FLNB: variants seen among roughly 807,000 people sequenced by gnomAD.
The protein encoded by FLNB is filamin B, also known as filamin-B.
In FLNB, 111 loss-of-function variants were observed where a neutral mutation model predicts 250.6. The observed-to-expected ratio is 0.44, with a 90% confidence interval of 0.38 to 0.52. The LOEUF is 0.52. Ranked by LOEUF, FLNB falls within the 20% of genes least tolerant of loss-of-function variation. The probability of loss-of-function intolerance (pLI) is 0.00; values close to 1 mark genes in which losing one functional copy is unlikely to be tolerated. For synonymous variants in FLNB, 1,302 were observed against 1,372.1 expected (o/e 0.95, Z 1.13); for missense variants, 2,869 against 3,447.8 (o/e 0.83, Z 4.20).
intron 1 of FLNB, among the ~76,000 whole-genome samples, chr3:58,026,287 C>T (rs2097123517): frequency 6.6e-6 from 1 of 152,126 alleles, no homozygotes. Flanking sequence ...GTGCCAGCTG[C>T]TCCCATCCCC....
chr3:58,060,447 G>T (rs147741156), intron 1 of FLNB, among the ~76,000 whole-genome samples: 2 of 150,466 alleles, frequency 1.3e-5, no homozygotes, highest in African/African-American at 4.9e-5. Flanking sequence ...TTCACCCCCA[G>T]GTTCAAGTGA....
At chr3:58,086,872 T>C (rs1167894648) in intron 4 of FLNB, among the ~76,000 whole-genome samples, 1 of 152,184 alleles carries the variant, frequency 6.6e-6, no homozygotes, top group Non-Finnish European at 1.5e-5. Context: ...CCCAGTACTT[T>C]GGGAGGCTGA....
chr3:58,118,819 C>A, intron 18 of FLNB, 53 bp from the exon 19 acceptor site: 1 of 1,357,906 alleles, frequency 7.4e-7, no homozygotes, highest in Non-Finnish European at 1.1e-6. Flanking sequence ...TTTTAAATGC[C>A]AAGTTAGCTT....
chr3:58,128,274 C>T (rs1032829405), intron 24 of FLNB, among the ~76,000 whole-genome samples: 4 of 152,206 alleles, frequency 2.6e-5, no homozygotes, highest in Admixed American at 2.0e-4. Context: ...CTCACTCTCT[C>T]TCACACTGAT....
In FLNB at chr3:58,132,739, C is replaced by T. The variant is rs767652005; in HGVS notation, c.4391-69C>T. 24 of 1,602,186 alleles carry T rather than the reference C, an allele frequency of 1.5e-5. No individual in the cohort carries two copies. The Admixed American group carries it at 2.8e-4, about 19-fold the overall frequency. On this transcript the variant is annotated intron_variant, in intron 25 of 45. Coordinates refer to ENST00000295956, the MANE Select transcript of FLNB (RefSeq NM_001457.4). ...CTTGGGGATGGATGTGGTCCTATTT[C>T]AGACTCAGCCAAGGGTGGAGTAAAG...
chr3:58,123,532 C>G lies in FLNB; in HGVS notation c.3566C>G (p.Thr1189Ser). Residue 1189 changes from threonine to serine, a missense_variant, in exon 21 of 46, where the codon ACC (threonine) becomes AGC (serine). Thr to Ser is a moderately conservative substitution (Grantham distance 58). Transcript: ENST00000295956. Reference sequence around the variant, plus strand: ...AGTATTCAGAACAACAAAGATGGCACCTACGCGGTGACCTACGTGCCCCTG... The same window carrying G: ...AGTATTCAGAACAACAAAGATGGCAGCTACGCGGTGACCTACGTGCCCCTG... ...EVSIQNNKDG[T>S]YAVTYVPLTA... 1 of 1,606,356 alleles carries G rather than the reference C, an allele frequency of 6.2e-7. No homozygotes were observed. The highest frequency in any genetic ancestry group is 8.5e-7 in the Non-Finnish European group (1 of 1,176,384).
At chr3:58,024,271 G>T (rs577775151) in intron 1 of FLNB, among the ~76,000 whole-genome samples, 2 of 152,312 alleles carry the variant, frequency 1.3e-5, no homozygotes, top group African/African-American at 4.8e-5. Context: ...AAGGTTGTTT[G>T]ACCTCTCTGA....
chr3:58,138,192 G>A, intron 28 of FLNB, 90 bp from the exon 29 acceptor site: 1 of 1,565,582 alleles, frequency 6.4e-7, no homozygotes, highest in Non-Finnish European at 8.8e-7. Flanking sequence ...ACATTTACAG[G>A]CACAGACAAC....
chr3:58,170,474 G>C, intron 45 of FLNB, 101 bp from the exon 46 acceptor site: 1 of 1,195,222 alleles, frequency 8.4e-7, no homozygotes, highest in Admixed American at 2.0e-5. Flanking sequence ...AGGGGCCCCA[G>C]CATTATCGTG....
intron 38 of FLNB, chr3:58,150,643 C>A: frequency 3.4e-6 from 1 of 292,170 alleles, no homozygotes; most frequent in Middle Eastern, 1.2e-3. Flanking sequence ...GAAATTAGAA[C>A]GAGGGCTGTG....
intron 1 of FLNB, among the ~76,000 whole-genome samples, chr3:58,030,197 G>A (rs973919744): frequency 5.9e-5 from 9 of 152,186 alleles, no homozygotes; most frequent in Non-Finnish European, 1.2e-4. Context: ...GAGACATTGT[G>A]TATGGGGTGA....
At chr3:58,106,479 A>AT (rs1441309853) in intron 11 of FLNB, among the ~76,000 whole-genome samples, 129 of 149,620 alleles carry the variant, frequency 8.6e-4, no homozygotes, top group African/African-American at 2.8e-3. Flanking sequence ...TGAAAAAAAA[A>AT]AAATATATAT....
chr3:58,083,090 T>C (rs1576685894), intron 4 of FLNB, among the ~76,000 whole-genome samples: 1 of 152,316 alleles, frequency 6.6e-6, no homozygotes, highest in Admixed American at 6.5e-5. Flanking sequence ...TAATCTAATA[T>C]TCAGTTTGTT....
At chr3:58,096,809 G>C (rs561784053) in intron 6 of FLNB, among the ~76,000 whole-genome samples, 22 of 152,270 alleles carry the variant, frequency 1.4e-4, no homozygotes, top group African/African-American at 4.8e-4. Context: ...ACACCCTGCT[G>C]GCTCTTTGTC....
intron 42 of FLNB, among the ~76,000 whole-genome samples, chr3:58,162,290 G>C: frequency 6.6e-6 from 1 of 152,094 alleles, no homozygotes; most frequent in South Asian, 2.1e-4. Context: ...AGGAGAACAG[G>C]CTCTGCACCC....
At chr3:58,134,471 G>A in intron 26 of FLNB, 145 bp from the exon 27 acceptor site, 1 of 948,910 alleles carries the variant, frequency 1.1e-6, no homozygotes, top group Non-Finnish European at 1.7e-6. Flanking sequence ...ATTTCTGCTA[G>A]ACTTAGGCAC....
chr3:58,009,616 C>T (rs185745251), intron 1 of FLNB, among the ~76,000 whole-genome samples: 2 of 152,240 alleles, frequency 1.3e-5, no homozygotes, highest in Admixed American at 6.5e-5. Flanking sequence ...AAGTTATCTC[C>T]GTCCCTACGC....
At chr3:58,056,561 T>G (rs2097170965) in intron 1 of FLNB, among the ~76,000 whole-genome samples, 1 of 152,208 alleles carries the variant, frequency 6.6e-6, no homozygotes, top group African/African-American at 2.4e-5. Flanking sequence ...CTCATACTTG[T>G]GTTTTAAAAA....
chr3:58,131,538 T>C (rs1006851698), intron 25 of FLNB, among the ~76,000 whole-genome samples: 2 of 152,214 alleles, frequency 1.3e-5, no homozygotes, highest in Non-Finnish European at 2.9e-5. Context: ...CCTCCAGCAC[T>C]TAAAATGTGC....
Sources: allele counts gnomAD v4.1 joint callset (sites outside exome capture counted in the v4.1 genomes callset), GRCh38; gene constraint gnomAD v4.1.1; transcripts MANE v1.5; gene names NCBI Gene and HGNC (gene_info 2026-07-23, HGNC 2026-07-21).